Variants in TMEM116 observed in about 807,000 individuals in gnomAD.
TMEM116 encodes the protein transmembrane protein 116.
TMEM116 carries 38 observed loss-of-function variants against 44.3 expected under a neutral mutation model. The observed-to-expected ratio is 0.86, with a 90% confidence interval of 0.66 to 1.12. The LOEUF (loss-of-function observed/expected upper bound fraction) is 1.12. Among genes scored for constraint, TMEM116 ranks in the 50% most tolerant of loss-of-function variants. The pLI is 0.00. For synonymous variants in TMEM116, 132 were observed against 144.8 expected (o/e 0.91, Z 0.64); for missense variants, 354 against 401.7 (o/e 0.88, Z 1.01).
chr12:112,005,228 T>C, intron 2 of TMEM116, 29 bp downstream of exon 2: 1 of 1,373,576 alleles, frequency 7.3e-7, no homozygotes, highest in Non-Finnish European at 9.4e-7. Flanking sequence ...CTTATACTAG[T>C]TTAGTTATAT....
At chr12:111,961,441 C>T (rs116649573) in intron 4 of TMEM116, among the ~76,000 whole-genome samples, 1,744 of 152,268 alleles carry the variant, frequency 0.011, 41 homozygotes, top group African/African-American at 0.041. Flanking sequence ...ATATGTCAAA[C>T]TGAATCCAGC....
rs753607361 is a variant in TMEM116 at position 111,991,748 on chromosome 12, T to C, written c.210+10A>G. 4.6e-6 allele frequency: 7 copies of C among 1,533,922 alleles called. No homozygotes were observed. The African/African-American group carries it at 6.9e-5, about 15-fold the overall frequency. ...CTTGCAAGGTGCAGTGACAGTCTTG[T>C]AGCACTCACCTGTCCAACTGCTTGT... On this transcript the variant is annotated intron_variant, in intron 4 of 10. Coordinates refer to ENST00000552374, the MANE Select transcript of TMEM116 (RefSeq NM_001193531.2).
At chr12:111,942,521 C>T (rs2072923553) in intron 5 of TMEM116, among the ~76,000 whole-genome samples, 1 of 152,174 alleles carries the variant, frequency 6.6e-6, no homozygotes, top group Non-Finnish European at 1.5e-5. Context: ...ATCTGCCCGC[C>T]TTGGCCTCCC....
At position 111,931,590 on chromosome 12, in the gene TMEM116, T is replaced by A. The variant is rs541050668; in HGVS notation, c.*31A>T. 180 of 1,593,978 alleles carry A rather than the reference T, an allele frequency of 1.1e-4. 3 individuals are homozygous for A. In the South Asian group the frequency reaches 1.9e-3, roughly 17 times the overall value. The stretch of plus-strand genomic sequence containing the variant: ...TTCCAATCCATTAGCGTAGAATAAC[T>A]CCAGTTCCTGGATGTTCCAGTATTG... On this transcript the variant is annotated 3_prime_UTR_variant, in exon 11 of 11. Transcript: ENST00000552374.
In TMEM116 at chr12:111,972,649, C is replaced by T. The variant is rs532215404; in HGVS notation, c.210+19109G>A. ...ATCCCAGCACTTTGGGAAGCCAAGA[C>T]GGGCAAATCACTTGAGATCAGGAGT... On this transcript the variant is annotated intron_variant, in intron 4 of 10. Transcript: ENST00000552374. 1.5e-4 allele frequency among the ~76,000 whole-genome samples: 23 copies of T among 152,122 alleles called. No homozygotes were observed. In the South Asian group the frequency reaches 1.9e-3, roughly 12 times the overall value.
At chr12:111,996,253 C>A (rs922576755) in intron 3 of TMEM116, among the ~76,000 whole-genome samples, 1 of 151,584 alleles carries the variant, frequency 6.6e-6, no homozygotes, top group Non-Finnish European at 1.5e-5. Flanking sequence ...TGTGTCAAGA[C>A]ACCATAAAGA....
At chr12:111,944,671 C>T (rs1490696039) in intron 4 of TMEM116, among the ~76,000 whole-genome samples, 1 of 151,932 alleles carries the variant, frequency 6.6e-6, no homozygotes, top group Non-Finnish European at 1.5e-5. Context: ...CAGAGGTCAC[C>T]CCAAGTCTTT....
intron 4 of TMEM116, among the ~76,000 whole-genome samples, chr12:111,984,349 T>C (rs2076105443): frequency 6.6e-6 from 1 of 152,102 alleles, no homozygotes; most frequent in Admixed American, 6.6e-5. Flanking sequence ...TTGCAGTTAT[T>C]TGTGGAATCT....
intron 1 of TMEM116, chr12:112,006,110 T>G: frequency 4.0e-6 from 1 of 250,070 alleles, no homozygotes; most frequent in Non-Finnish European, 6.4e-6. Flanking sequence ...CCTCCTATAC[T>G]GAATCCTGCT....
chr12:111,952,146 T>G (rs1014365676), intron 4 of TMEM116, among the ~76,000 whole-genome samples: 6 of 152,114 alleles, frequency 3.9e-5, no homozygotes, highest in Non-Finnish European at 8.8e-5. Context: ...GGAGAATCAC[T>G]TGAACCTGGA....
chr12:112,008,208 C>A (rs775240993), intron 1 of TMEM116, among the ~76,000 whole-genome samples: 1 of 152,212 alleles, frequency 6.6e-6, no homozygotes, highest in Admixed American at 6.5e-5. Context: ...AAAGGCTGGG[C>A]GCGGTGGCTC....
At chr12:111,965,290 G>A (rs1012707067) in intron 4 of TMEM116, among the ~76,000 whole-genome samples, 4 of 152,134 alleles carry the variant, frequency 2.6e-5, no homozygotes, top group African/African-American at 9.7e-5. Flanking sequence ...AAAGAAAGGT[G>A]AACTTTTACT....
intron 4 of TMEM116, among the ~76,000 whole-genome samples, chr12:111,976,069 T>TG (rs1329355004): frequency 1.3e-5 from 2 of 151,914 alleles, no homozygotes; most frequent in Non-Finnish European, 2.9e-5. Flanking sequence ...AGTGCAGTGG[T>TG]GCGATCTTGG....
intron 4 of TMEM116, among the ~76,000 whole-genome samples, chr12:111,945,474 T>C (rs2073198806): frequency 6.6e-6 from 1 of 152,070 alleles, no homozygotes; most frequent in Non-Finnish European, 1.5e-5. Flanking sequence ...ATAAGCATTC[T>C]AAATTTGACC....
intron 8 of TMEM116, chr12:111,934,252 C>T: frequency 6.1e-6 from 3 of 492,432 alleles, no homozygotes; most frequent in South Asian, 5.1e-5. Flanking sequence ...ACTAGCCAAA[C>T]TTGTGTATCA....
In TMEM116 at chr12:112,003,838, C is replaced by T. The variant is rs1342868507; in HGVS notation, c.40G>A (p.Ala14Thr). 3.3e-6 allele frequency: 5 copies of T among 1,514,888 alleles called. No homozygotes were observed. The highest frequency in any genetic ancestry group is 5.0e-5 in the East Asian group (2 of 39,636). 93.8% of individuals were successfully genotyped at this position (1,514,888 alleles called of 1,614,324 possible). Residue 14 changes from alanine to threonine, a missense_variant, in exon 3 of 11, where the codon GCC becomes ACC. Ala to Thr is a moderately conservative substitution (Grantham distance 58, BLOSUM62 0). Coordinates refer to ENST00000552374, the MANE Select transcript of TMEM116 (RefSeq NM_001193531.2). ...LSVIGSSSLIAYAVFHNIQKS... is the reference protein window; with the variant it reads ...LSVIGSSSLITYAVFHNIQKS... ...TGTATATTATGGAATACAGCATAGG[C>T]AATAAGTGAACTTGAACCTATAACA... is the stretch of plus-strand genomic sequence containing the variant.
rs377633495 is a variant in TMEM116 at position 111,933,879 on chromosome 12, T to C, written c.733+7A>G. 2.0e-5 allele frequency: 32 copies of C among 1,613,612 alleles called. No homozygotes were observed. The African/African-American group carries it at 3.5e-4, about 18-fold the overall frequency. The stretch of plus-strand genomic sequence containing the variant: ...TCACTGCCCATCTCTTCTTGTTAAG[T>C]ACCTACCTGGGCCCCAGCAGCAAAA... On this transcript the variant is annotated splice_region_variant and intron_variant, in intron 9 of 10. Transcript: ENST00000552374.
chr12:111,989,150 AAAG>A (rs1471031768), intron 4 of TMEM116, among the ~76,000 whole-genome samples: 2 of 152,228 alleles, frequency 1.3e-5, no homozygotes, highest in East Asian at 3.8e-4. Flanking sequence ...TAGATTGTGG[AAAG>A]AAGTCAAACT....
At chr12:112,003,885 TG>T in intron 2 of TMEM116, 22 bp from the exon 3 acceptor site, 2 of 1,486,228 alleles carry the variant, frequency 1.3e-6, no homozygotes, top group South Asian at 2.7e-5. Flanking sequence ...AGAAGATGAT[TG>T]ATCATTAAAG....
Sources: allele counts gnomAD v4.1 joint callset (sites outside exome capture counted in the v4.1 genomes callset), GRCh38; gene constraint gnomAD v4.1.1; transcripts MANE v1.5; gene names NCBI Gene and HGNC (gene_info 2026-07-23, HGNC 2026-07-21).